MDGA2: variants seen among roughly 807,000 people sequenced by gnomAD.
MDGA2 encodes the protein MAM domain-containing glycosylphosphatidylinositol anchor protein 2.
MDGA2 carries 40 observed loss-of-function variants against 117.8 expected under a neutral mutation model. That is an observed-to-expected ratio of 0.34 (90% CI 0.26 to 0.44). The LOEUF is 0.44. MDGA2 is among the 20% of genes least tolerant of loss of function. MDGA2 has a pLI of 1.00. For missense variants in MDGA2, 1,123 were observed against 1,250.6 expected (o/e 0.90, Z 1.54); for synonymous variants, 452 against 439.0 (o/e 1.03, Z -0.37).
At chr14:46,939,476 T>C (rs1055582144) in intron 9 of MDGA2, among the ~76,000 whole-genome samples, 1 of 152,174 alleles carries the variant, frequency 6.6e-6, no homozygotes, top group African/African-American at 2.4e-5. Flanking sequence ...GTAAACCTGC[T>C]TCCAGTGTTC....
intron 3 of MDGA2, among the ~76,000 whole-genome samples, chr14:47,169,437 G>C (rs537710178): frequency 6.1e-4 from 92 of 151,802 alleles, no homozygotes; most frequent in African/African-American, 1.9e-3. Context: ...CCAATATGTA[G>C]TGTGTCAGAT....
At chr14:47,487,146 T>C (rs1210398570) in intron 1 of MDGA2, among the ~76,000 whole-genome samples, 2 of 152,206 alleles carry the variant, frequency 1.3e-5, no homozygotes, top group African/African-American at 4.8e-5. Context: ...AAACAAGCAG[T>C]ATCACAGGAC....
At chr14:47,335,950 A>T (rs1890444207) in intron 1 of MDGA2, among the ~76,000 whole-genome samples, 2 of 151,478 alleles carry the variant, frequency 1.3e-5, no homozygotes, top group South Asian at 4.2e-4. Flanking sequence ...AAAATGATGT[A>T]GGATCCCTTG....
At chr14:47,588,216 C>A (rs1896362693) in intron 1 of MDGA2, among the ~76,000 whole-genome samples, 1 of 131,722 alleles carries the variant, frequency 7.6e-6, no homozygotes, top group Non-Finnish European at 1.6e-5. Flanking sequence ...ACTATATTTT[C>A]AAATCTCTTG....
intron 2 of MDGA2, among the ~76,000 whole-genome samples, chr14:47,297,480 G>T (rs1247249891): frequency 8.7e-6 from 1 of 114,822 alleles, no homozygotes; most frequent in Non-Finnish European, 1.9e-5. Context: ...AAGGGAAGGG[G>T]AGTGGAGGGG....
intron 1 of MDGA2, among the ~76,000 whole-genome samples, chr14:47,483,747 A>G (rs1430220399): frequency 6.6e-6 from 1 of 152,110 alleles, no homozygotes; most frequent in Non-Finnish European, 1.5e-5. Flanking sequence ...TTCCACTCAC[A>G]CTGGCAAATC....
intron 1 of MDGA2, among the ~76,000 whole-genome samples, chr14:47,360,016 C>G (rs781232691): frequency 9.9e-5 from 15 of 152,146 alleles, no homozygotes; most frequent in South Asian, 2.1e-4. Flanking sequence ...GAAATTCACA[C>G]AACTCAGTAG....
At chr14:46,914,801 A>C (rs1883838703) in intron 10 of MDGA2, among the ~76,000 whole-genome samples, 1 of 152,152 alleles carries the variant, frequency 6.6e-6, no homozygotes, top group South Asian at 2.1e-4. Flanking sequence ...TGATATTAAG[A>C]GGTGAGATTT....
intron 1 of MDGA2, among the ~76,000 whole-genome samples, chr14:47,495,563 T>C (rs762181911): frequency 6.6e-6 from 1 of 152,200 alleles, no homozygotes; most frequent in Non-Finnish European, 1.5e-5. Flanking sequence ...TCAAATTATA[T>C]ACCCCCTATT....
intron 1 of MDGA2, among the ~76,000 whole-genome samples, chr14:47,602,928 C>A (rs955381323): frequency 1.3e-5 from 2 of 152,056 alleles, no homozygotes; most frequent in Non-Finnish European, 2.9e-5. Flanking sequence ...GTACTTGGTA[C>A]GTCTGAATGG....
intron 6 of MDGA2, among the ~76,000 whole-genome samples, chr14:47,077,905 A>T (rs538398401): frequency 6.6e-6 from 1 of 152,084 alleles, no homozygotes; most frequent in African/African-American, 2.4e-5. Context: ...TATAAGATAG[A>T]GTGATGAATA....
chr14:46,862,670 T>C (rs1279014262), intron 14 of MDGA2, among the ~76,000 whole-genome samples: 2 of 151,954 alleles, frequency 1.3e-5, no homozygotes, highest in African/African-American at 4.8e-5. Flanking sequence ...TGCATACAAA[T>C]CGCATTGTTA....
At chr14:46,989,696 A>G (rs1786826651) in intron 8 of MDGA2, among the ~76,000 whole-genome samples, 1 of 152,088 alleles carries the variant, frequency 6.6e-6, no homozygotes, top group African/African-American at 2.4e-5. Flanking sequence ...TTTTTTTCAG[A>G]TTGAACTATA....
intron 3 of MDGA2, among the ~76,000 whole-genome samples, chr14:47,215,726 T>G (rs1958091): frequency 6.6e-6 from 1 of 152,022 alleles, no homozygotes; most frequent in Admixed American, 6.6e-5. Flanking sequence ...AGAGATGTCA[T>G]GTTTATTTAT....
At chr14:47,034,018 G>A (rs1489978302) in intron 8 of MDGA2, among the ~76,000 whole-genome samples, 3 of 152,144 alleles carry the variant, frequency 2.0e-5, no homozygotes, top group Admixed American at 6.5e-5. Flanking sequence ...AAATGACATC[G>A]TTTATTGAAG....
At chr14:47,062,161 CA>C (rs1889907978) in intron 6 of MDGA2, among the ~76,000 whole-genome samples, 1 of 152,040 alleles carries the variant, frequency 6.6e-6, no homozygotes, top group Admixed American at 6.6e-5. Flanking sequence ...AAACCTGGGG[CA>C]AAAAGCATGT....
chr14:47,452,123 G>A (rs1187089996), intron 1 of MDGA2, among the ~76,000 whole-genome samples: 2 of 152,088 alleles, frequency 1.3e-5, no homozygotes, highest in African/African-American at 4.8e-5. Flanking sequence ...GCAGCATTGA[G>A]TGGTAACAAG....
chr14:47,172,330 C>G lies in MDGA2; in HGVS notation c.596-28056G>C, dbSNP rs376156585. On this transcript the variant is annotated intron_variant, in intron 3 of 16. Coordinates refer to ENST00000399232, the MANE Select transcript of MDGA2 (RefSeq NM_001113498.3). ...AGCACGCAGCTGGAGATCTCAGAAC[C>G]GGCAAACTGCCTCCTCAAGTGGGTC... is the stretch of plus-strand genomic sequence containing the variant. Among the ~76,000 whole-genome samples, 321 of 152,176 alleles carry G rather than the reference C, an allele frequency of 2.1e-3. 1 individual carries two copies. The highest frequency in any genetic ancestry group is 4.9e-3 in the African/African-American group (202 of 41,530).
In MDGA2 at chr14:46,903,198, G is replaced by A. The variant is rs550253456; in HGVS notation, c.2238+16814C>T. ...TTCCGTTCCTGTCACCTTTCAATGTGTCCACATGCCTAACTTTTCCTGGTT... is the reference window on the plus strand; with the variant it reads ...TTCCGTTCCTGTCACCTTTCAATGTATCCACATGCCTAACTTTTCCTGGTT... On this transcript the variant is annotated intron_variant, in intron 10 of 16. Coordinates refer to ENST00000399232, the MANE Select transcript of MDGA2 (RefSeq NM_001113498.3). Among the ~76,000 whole-genome samples the A allele has an allele frequency of 7.2e-5, 11 of 152,138 alleles. 1 individual carries two copies. The South Asian group carries it at 2.3e-3, about 32-fold the overall frequency.
Sources: allele counts gnomAD v4.1 joint callset (sites outside exome capture counted in the v4.1 genomes callset), GRCh38; gene constraint gnomAD v4.1.1; transcripts MANE v1.5; gene names NCBI Gene and HGNC (gene_info 2026-07-23, HGNC 2026-07-21).